Variants in CAMK2D observed in about 807,000 individuals in gnomAD.
CAMK2D encodes calcium/calmodulin-dependent protein kinase type II subunit delta.
A neutral mutation model predicts 84.0 loss-of-function variants in CAMK2D; 37 were observed. That is an observed-to-expected ratio of 0.44 (90% confidence interval 0.34 to 0.58). The LOEUF (loss-of-function observed/expected upper bound fraction) is 0.58. Among genes scored for constraint, CAMK2D ranks in the 20% least tolerant of loss-of-function variants. The pLI is 0.02. For synonymous variants in CAMK2D, 202 were observed against 212.5 expected, an observed-to-expected ratio of 0.95 and a Z score of 0.43; for missense variants, 448 against 652.5, an observed-to-expected ratio of 0.69 and a Z score of 3.41.
chr4:113,531,399 A>C (rs948094916), intron 7 of CAMK2D, 100 bp from the exon 8 acceptor site: 12 of 702,482 alleles, frequency 1.7e-5, no homozygotes, highest in Non-Finnish European at 2.9e-5. Flanking sequence ...TTATCTGATT[A>C]TATGTTTTTC....
Position 113,761,671 on chromosome 4 carries a change from G to A in CAMK2D, c.-603C>T. ...CGGGCGGCAGCGGCTCCGGCGAAGC[G>A]AGGCACCTTGGCGGCCTCGCGCTGC... On this transcript the variant is annotated 5_prime_UTR_variant, in exon 1 of 21. Transcript: ENST00000511664. 2 of 984,818 alleles carry A rather than the reference G, an allele frequency of 2.0e-6. No homozygotes were observed. The highest frequency in any genetic ancestry group is 2.4e-6 in the Non-Finnish European group (2 of 829,480). 61.0% of individuals were successfully genotyped at this position (984,818 alleles called of 1,614,324 possible). A position where few individuals can be genotyped will look rare whatever the true frequency, so the allele number is the denominator to read the frequency against.
At chr4:113,525,541 C>T (rs185663354) in intron 8 of CAMK2D, among the ~76,000 whole-genome samples, 17 of 152,258 alleles carry the variant, frequency 1.1e-4, no homozygotes, top group Admixed American at 5.9e-4. Context: ...GGAATAGTTG[C>T]TTCCAAAGAG....
intron 4 of CAMK2D, among the ~76,000 whole-genome samples, chr4:113,601,940 C>T (rs556029672): frequency 1.3e-5 from 2 of 152,118 alleles, no homozygotes; most frequent in East Asian, 3.9e-4. Flanking sequence ...TAAGCGATCT[C>T]CTGTCTCAGC....
chr4:113,534,585 C>G (rs967594928), intron 7 of CAMK2D, among the ~76,000 whole-genome samples: 1 of 152,120 alleles, frequency 6.6e-6, no homozygotes, highest in Non-Finnish European at 1.5e-5. Context: ...ATTTGAAAAT[C>G]TATGTACTTT....
chr4:113,621,611 C>T (rs1036623632), intron 3 of CAMK2D, among the ~76,000 whole-genome samples: 3 of 152,164 alleles, frequency 2.0e-5, no homozygotes, highest in Non-Finnish European at 2.9e-5. Flanking sequence ...TTTAAGAAGA[C>T]AGAGCACAGT....
chr4:113,469,366 GA>G (rs1273617794), intron 16 of CAMK2D, among the ~76,000 whole-genome samples: 19 of 152,120 alleles, frequency 1.2e-4, no homozygotes, highest in Admixed American at 1.2e-3. Context: ...TCTTGTCTTG[GA>G]ACACTCTCCT....
chr4:113,687,710 T>C (rs1040645887), intron 2 of CAMK2D, among the ~76,000 whole-genome samples: 7 of 152,202 alleles, frequency 4.6e-5, no homozygotes, highest in African/African-American at 1.4e-4. Flanking sequence ...AACCACCAGT[T>C]GAAAATGGGG....
chr4:113,699,647 T>C (rs2099412463), intron 2 of CAMK2D, among the ~76,000 whole-genome samples: 1 of 152,076 alleles, frequency 6.6e-6, no homozygotes, highest in East Asian at 1.9e-4. Context: ...CACATCAAAA[T>C]AACAAAACAA....
Position 113,590,405 on chromosome 4 carries a change from C to T in CAMK2D, c.275+18747G>A, listed in dbSNP as rs115345363. On this transcript the variant is annotated intron_variant, in intron 4 of 20. Coordinates refer to ENST00000511664, the MANE Select transcript of CAMK2D (RefSeq NM_001321571.2). ...GTTATTTAGGAGAATGACAGAACTC[C>T]TTTAAAGAAAATTCTAAAATCTGAT... Among the ~76,000 whole-genome samples the T allele has an allele frequency of 5.7e-3, 873 of 152,248 alleles. 11 individuals are homozygous for T. Among genetic ancestry groups the T allele is most frequent in the Non-Finnish European group, 8.1e-3 (549 of 67,988 alleles).
chr4:113,743,235 T>C (rs1399092476), intron 2 of CAMK2D, among the ~76,000 whole-genome samples: 1 of 152,204 alleles, frequency 6.6e-6, no homozygotes, highest in East Asian at 1.9e-4. Flanking sequence ...CTAGTTTGGG[T>C]TTAAATTCTA....
intron 2 of CAMK2D, among the ~76,000 whole-genome samples, chr4:113,722,446 T>G (rs1056425423): frequency 1.3e-5 from 2 of 152,066 alleles, no homozygotes; most frequent in African/African-American, 4.8e-5. Flanking sequence ...GATTCAGAAA[T>G]GGAGAAATAA....
chr4:113,701,110 C>T (rs1166552683), intron 2 of CAMK2D, among the ~76,000 whole-genome samples: 2 of 152,168 alleles, frequency 1.3e-5, no homozygotes, highest in African/African-American at 4.8e-5. Context: ...TTTGTCTTTA[C>T]TAGATTAATT....
chr4:113,598,499 G>A (rs1456927469), intron 4 of CAMK2D, among the ~76,000 whole-genome samples: 1 of 151,996 alleles, frequency 6.6e-6, no homozygotes, highest in East Asian at 1.9e-4. Context: ...TTAGATATAA[G>A]ACCAAACACA....
At chr4:113,597,991 A>G (rs77219849) in intron 4 of CAMK2D, among the ~76,000 whole-genome samples, 6,270 of 152,290 alleles carry the variant, frequency 0.041, 362 homozygotes, top group East Asian at 0.19. Context: ...TGAAATCCCA[A>G]TCAAAATCTC....
At chr4:113,535,703 C>T (rs553328953) in intron 7 of CAMK2D, among the ~76,000 whole-genome samples, 23 of 152,290 alleles carry the variant, frequency 1.5e-4, no homozygotes, top group African/African-American at 5.5e-4. Flanking sequence ...GTCTGGAATG[C>T]CTTAATCTTC....
chr4:113,703,647 A>C (rs2099429755), intron 2 of CAMK2D, among the ~76,000 whole-genome samples: 1 of 152,230 alleles, frequency 6.6e-6, no homozygotes, highest in African/African-American at 2.4e-5. Flanking sequence ...CAAACCTATA[A>C]GAACTTCTTC....
At chr4:113,708,883 G>A (rs1021738409) in intron 2 of CAMK2D, among the ~76,000 whole-genome samples, 2 of 151,948 alleles carry the variant, frequency 1.3e-5, no homozygotes, top group African/African-American at 4.8e-5. Context: ...CACCATGTCT[G>A]GCTAGTTTTT....
chr4:113,480,238 C>A (rs2097685088), intron 16 of CAMK2D, among the ~76,000 whole-genome samples: 1 of 152,076 alleles, frequency 6.6e-6, no homozygotes, highest in Non-Finnish European at 1.5e-5. Context: ...GCTAGAATTA[C>A]AGGCGTGAAC....
intron 3 of CAMK2D, among the ~76,000 whole-genome samples, chr4:113,612,221 T>C (rs963811982): frequency 1.3e-5 from 2 of 152,334 alleles, no homozygotes; most frequent in Middle Eastern, 3.4e-3. Flanking sequence ...ATGGTATGTC[T>C]AAACGGTCTG....
Sources: allele counts gnomAD v4.1 joint callset (sites outside exome capture counted in the v4.1 genomes callset), GRCh38; gene constraint gnomAD v4.1.1; transcripts MANE v1.5; gene names NCBI Gene and HGNC (gene_info 2026-07-23, HGNC 2026-07-21).